Variants in NALF1 observed in about 807,000 individuals in gnomAD.
NALF1 encodes the protein family with sequence similarity 155 member A.
In NALF1, 3 loss-of-function variants were observed where a neutral mutation model predicts 48.4. That is an observed-to-expected ratio of 0.06 (90% CI 0.03 to 0.16). NALF1 has a LOEUF of 0.16. Ranked by LOEUF, NALF1 falls within the 10% of genes least tolerant of loss-of-function variation. NALF1 has a pLI of 1.00. For missense variants in NALF1, 526 were observed against 571.5 expected, an observed-to-expected ratio of 0.92 and a Z score of 0.81; for synonymous variants, 262 against 245.7, an observed-to-expected ratio of 1.07 and a Z score of -0.62.
At chr13:107,620,678 T>C (rs796986080) in intron 1 of NALF1, among the ~76,000 whole-genome samples, 1 of 152,154 alleles carries the variant, frequency 6.6e-6, no homozygotes. Context: ...ATGTTTAGTA[T>C]ACAAAAACAC....
intron 1 of NALF1, among the ~76,000 whole-genome samples, chr13:107,401,090 A>T (rs937252865): frequency 6.6e-6 from 1 of 152,166 alleles, no homozygotes; most frequent in Non-Finnish European, 1.5e-5. Context: ...AATATTAAAT[A>T]AAAAATTCTA....
intron 1 of NALF1, among the ~76,000 whole-genome samples, chr13:107,729,364 C>G (rs1167247810): frequency 6.6e-6 from 1 of 151,788 alleles, no homozygotes; most frequent in East Asian, 1.9e-4. Flanking sequence ...TCCTTTAGCT[C>G]TAAAATCTGT....
intron 1 of NALF1, among the ~76,000 whole-genome samples, chr13:107,836,339 G>A (rs1879888331): frequency 6.6e-6 from 1 of 152,060 alleles, no homozygotes; most frequent in Admixed American, 6.5e-5. Flanking sequence ...TAAGTTTTAG[G>A]AAGCACTTTG....
intron 1 of NALF1, among the ~76,000 whole-genome samples, chr13:107,761,224 G>A (rs928813443): frequency 5.3e-5 from 8 of 152,108 alleles, no homozygotes; most frequent in Admixed American, 2.0e-4. Context: ...GGGCATGGTG[G>A]CAGGCGCCTG....
chr13:107,339,138 GAAAA>G (rs3072810), intron 1 of NALF1, among the ~76,000 whole-genome samples: 1 of 121,160 alleles, frequency 8.3e-6, no homozygotes. Flanking sequence ...TGTCTCAGAA[GAAAA>G]AAAAAAAAAA....
chr13:107,340,681 C>A (rs1326558982), intron 1 of NALF1, among the ~76,000 whole-genome samples: 2 of 152,030 alleles, frequency 1.3e-5, no homozygotes, highest in African/African-American at 2.4e-5. Context: ...ACTCCACTGT[C>A]TCCTTTTCAT....
chr13:107,723,124 G>A (rs775175751), intron 1 of NALF1, among the ~76,000 whole-genome samples: 20 of 152,118 alleles, frequency 1.3e-4, no homozygotes, highest in Non-Finnish European at 2.6e-4. Flanking sequence ...TTCAGTCAGC[G>A]GATTGGGCCC....
chr13:107,360,259 A>G (rs1381589685), intron 1 of NALF1, among the ~76,000 whole-genome samples: 1 of 152,204 alleles, frequency 6.6e-6, no homozygotes. Context: ...ATAGCAAATT[A>G]GAGCCTAAAC....
intron 1 of NALF1, among the ~76,000 whole-genome samples, chr13:107,328,135 C>A (rs1882400081): frequency 6.6e-6 from 1 of 152,022 alleles, no homozygotes; most frequent in Non-Finnish European, 1.5e-5. Flanking sequence ...CCAGGCTGAT[C>A]CTGAGCTCCT....
At chr13:107,811,305 A>C (rs1878983551) in intron 1 of NALF1, among the ~76,000 whole-genome samples, 1 of 152,116 alleles carries the variant, frequency 6.6e-6, no homozygotes, top group Non-Finnish European at 1.5e-5. Flanking sequence ...TCTTTTGTCC[A>C]CTTAAGAAAT....
intron 1 of NALF1, among the ~76,000 whole-genome samples, chr13:107,622,303 T>C (rs1225022731): frequency 6.6e-6 from 1 of 151,578 alleles, no homozygotes; most frequent in Non-Finnish European, 1.5e-5. Context: ...CCAGGCATAG[T>C]GGCGCATGTC....
At chr13:107,199,315 C>T (rs1403517446) in intron 2 of NALF1, among the ~76,000 whole-genome samples, 1 of 152,156 alleles carries the variant, frequency 6.6e-6, no homozygotes, top group African/African-American at 2.4e-5. Context: ...AAACCTTGAT[C>T]TCAGATGTCT....
intron 1 of NALF1, among the ~76,000 whole-genome samples, chr13:107,812,521 A>T (rs547468657): frequency 6.6e-6 from 1 of 152,286 alleles, no homozygotes; most frequent in South Asian, 2.1e-4. Context: ...TTCTAAAAAT[A>T]GCTACAAAGT....
intron 1 of NALF1, among the ~76,000 whole-genome samples, chr13:107,399,448 A>AT (rs1883766865): frequency 8.7e-6 from 1 of 115,462 alleles, no homozygotes; most frequent in East Asian, 2.6e-4. Context: ...GCACACACAC[A>AT]TTCACGTACA....
intron 1 of NALF1, among the ~76,000 whole-genome samples, chr13:107,236,652 T>C (rs1351705159): frequency 6.6e-6 from 1 of 151,854 alleles, no homozygotes; most frequent in South Asian, 2.1e-4. Flanking sequence ...TATGGCACTA[T>C]CTATCTATCC....
Position 107,474,942 on chromosome 13 carries a change from T to C in NALF1, c.916-264187A>G, listed in dbSNP as rs190400691. Among the ~76,000 whole-genome samples, 158 of 152,328 alleles carry C rather than the reference T, an allele frequency of 1.0e-3. 1 individual carries two copies. Among genetic ancestry groups the C allele is most frequent in the African/African-American group, 3.5e-3 (147 of 41,582 alleles). On this transcript the variant is annotated intron_variant, in intron 1 of 2. Transcript: ENST00000375915. ...ATTTCATACCAGTTTGAAAGCTTTC[T>C]GGTTCTTTTAATGAGGCTGTCACAT...
rs1329163868 is a variant in NALF1 at position 107,170,461 on chromosome 13, G to A, written c.*36C>T. 3.3e-5 allele frequency: 51 copies of A among 1,549,244 alleles called. No individual in the cohort carries two copies. In the Middle Eastern group the frequency reaches 5.8e-4, roughly 18 times the overall value. Reference sequence around the variant, plus strand: ...GACAGCAGTTGCCATTTTTCACGGCGGGCCAGCTGCTGCTGTGGTGACACT... The same window carrying A: ...GACAGCAGTTGCCATTTTTCACGGCAGGCCAGCTGCTGCTGTGGTGACACT... On this transcript the variant is annotated 3_prime_UTR_variant, in exon 3 of 3. Transcript: ENST00000375915.
At chr13:107,194,111 T>G (rs1322172556) in intron 2 of NALF1, among the ~76,000 whole-genome samples, 1 of 152,182 alleles carries the variant, frequency 6.6e-6, no homozygotes, top group Non-Finnish European at 1.5e-5. Flanking sequence ...TATCTCTGGA[T>G]TTTTCAGTTA....
chr13:107,711,777 A>G (rs1171358583), intron 1 of NALF1, among the ~76,000 whole-genome samples: 1 of 152,236 alleles, frequency 6.6e-6, no homozygotes, highest in Non-Finnish European at 1.5e-5. Flanking sequence ...TCTCAAGACT[A>G]CTTCTAAAAA....
Sources: gnomAD v4.1 joint callset for allele counts (sites outside exome capture counted in the v4.1 genomes callset) on GRCh38, gnomAD v4.1.1 for gene constraint, MANE v1.5 for transcripts, NCBI Gene and HGNC (gene_info 2026-07-23, HGNC 2026-07-21) for gene names.